ARMC2: variants seen among roughly 807,000 people sequenced by gnomAD.
ARMC2 encodes the protein armadillo repeat-containing protein 2.
Under a neutral mutation model 90.3 loss-of-function variants are expected in ARMC2, and 67 were observed. The observed-to-expected ratio is 0.74, with a 90% confidence interval of 0.61 to 0.91. The LOEUF (loss-of-function observed/expected upper bound fraction) is 0.91. Among genes scored for constraint, ARMC2 ranks in the 40% least tolerant of loss-of-function variants. ARMC2 has a pLI of 0.00. For synonymous variants in ARMC2, 393 were observed against 393.0 expected (o/e 1.00, Z 0.00); for missense variants, 920 against 1,030.9 (o/e 0.89, Z 1.47).
At chr6:108,871,127 C>T (rs184935298) in intron 4 of ARMC2, among the ~76,000 whole-genome samples, 9 of 152,232 alleles carry the variant, frequency 5.9e-5, no homozygotes, top group East Asian at 3.9e-4. Flanking sequence ...TGACCGGGCA[C>T]GAGAGCAAGT....
At chr6:108,998,448 A>C in the ARMC2 span, 1 of 1,583,078 alleles carries the variant, frequency 6.3e-7, no homozygotes, top group South Asian at 1.2e-5. Context: ...AGCCAACTGA[A>C]GAAATAATAT....
chr6:108,858,436 A>C (rs941291470), intron 3 of ARMC2, among the ~76,000 whole-genome samples, 165 bp downstream of exon 3: 2 of 152,140 alleles, frequency 1.3e-5, no homozygotes, highest in Non-Finnish European at 2.9e-5. Flanking sequence ...GTTCAAATGT[A>C]ATGGGTAATA....
At chr6:108,947,720 T>A (rs748537522) in intron 12 of ARMC2, among the ~76,000 whole-genome samples, 24 of 152,296 alleles carry the variant, frequency 1.6e-4, no homozygotes, top group South Asian at 4.1e-4. Flanking sequence ...CCTCTAAGTG[T>A]ATCTGTTTGT....
the ARMC2 span, among the ~76,000 whole-genome samples, chr6:109,042,704 G>T: frequency 6.6e-6 from 1 of 151,850 alleles, no homozygotes; most frequent in Non-Finnish European, 1.5e-5. Flanking sequence ...TAAGAAAATT[G>T]AATTTGTGAT....
chr6:109,002,255 A>G, the ARMC2 span: 6 of 1,604,020 alleles, frequency 3.7e-6, no homozygotes, highest in Non-Finnish European at 5.1e-6. Context: ...ACAGTTCACT[A>G]TGTACTTTCA....
the ARMC2 span, among the ~76,000 whole-genome samples, chr6:108,985,095 A>G: frequency 6.6e-6 from 1 of 152,172 alleles, no homozygotes; most frequent in South Asian, 2.1e-4. Context: ...TGCTAGTAAC[A>G]TTTCTGATTC....
chr6:108,900,853 A>T (rs1382708979), intron 7 of ARMC2, among the ~76,000 whole-genome samples: 1 of 152,034 alleles, frequency 6.6e-6, no homozygotes, highest in Admixed American at 6.6e-5. Flanking sequence ...CTGCAGCCCA[A>T]AGTCCTAAGG....
chr6:108,868,362 A>G (rs774325044), intron 3 of ARMC2, among the ~76,000 whole-genome samples: 1 of 152,148 alleles, frequency 6.6e-6, no homozygotes, highest in South Asian at 2.1e-4. Flanking sequence ...GACTACAAGC[A>G]TGCGCCACCA....
chr6:108,937,411 A>G (rs1400921074), intron 12 of ARMC2, among the ~76,000 whole-genome samples: 2 of 152,098 alleles, frequency 1.3e-5, no homozygotes, highest in Non-Finnish European at 2.9e-5. Flanking sequence ...CTACCTAGCC[A>G]TCTGCATTTT....
intron 5 of ARMC2, among the ~76,000 whole-genome samples, chr6:108,888,727 T>G (rs1055368839): frequency 1.3e-5 from 2 of 152,328 alleles, no homozygotes; most frequent in African/African-American, 2.4e-5. Flanking sequence ...TCCCCTGCTA[T>G]CCTATTCCTC....
chr6:109,048,380 G>A, the ARMC2 span, among the ~76,000 whole-genome samples: 14 of 152,160 alleles, frequency 9.2e-5, no homozygotes, highest in Non-Finnish European at 1.9e-4. Flanking sequence ...GTATTGCACC[G>A]TGGGTTTAGT....
At chr6:108,943,045 A>G (rs751324374) in intron 12 of ARMC2, among the ~76,000 whole-genome samples, 22 of 152,150 alleles carry the variant, frequency 1.4e-4, no homozygotes, top group Non-Finnish European at 2.9e-4. Context: ...AGAGGGGGAA[A>G]TCCTGTTTTG....
chr6:108,880,449 C>T lies in ARMC2; in HGVS notation c.671+4099C>T, dbSNP rs552457156. Among the ~76,000 whole-genome samples, 22 of 152,308 alleles carry T rather than the reference C, an allele frequency of 1.4e-4. 1 individual carries two copies. Among genetic ancestry groups the T allele is most frequent in the African/African-American group, 5.1e-4 (21 of 41,566 alleles). Reference sequence around the variant, plus strand: ...GCCTTTGGGGAAAGTGCTCTTTCTCCAGGTTCACAAACTATAAAGATGATG... The same window carrying T: ...GCCTTTGGGGAAAGTGCTCTTTCTCTAGGTTCACAAACTATAAAGATGATG... On this transcript the variant is annotated intron_variant, in intron 5 of 17. Coordinates refer to ENST00000392644, the MANE Select transcript of ARMC2 (RefSeq NM_032131.6).
intron 10 of ARMC2, among the ~76,000 whole-genome samples, chr6:108,925,252 A>G (rs1774998198): frequency 6.6e-6 from 1 of 152,204 alleles, no homozygotes; most frequent in African/African-American, 2.4e-5. Context: ...TTCAAAAAAA[A>G]TCTTAAAATC....
chr6:108,995,266 T>C, the ARMC2 span, among the ~76,000 whole-genome samples: 2 of 152,222 alleles, frequency 1.3e-5, no homozygotes, highest in Non-Finnish European at 2.9e-5. Flanking sequence ...AATCTTTAAA[T>C]AAATAAGATA....
At chr6:108,862,363 A>AC (rs1562325600) in intron 3 of ARMC2, among the ~76,000 whole-genome samples, 10 of 149,322 alleles carry the variant, frequency 6.7e-5, no homozygotes, top group African/African-American at 2.3e-4. Context: ...AAAAAACAAA[A>AC]AAAACAAACA....
At chr6:108,937,045 T>A in intron 12 of ARMC2, 46 bp downstream of exon 12, 1 of 1,421,472 alleles carries the variant, frequency 7.0e-7, no homozygotes, top group Non-Finnish European at 9.7e-7. Flanking sequence ...TTTACACTAA[T>A]GTGTTTGTGT....
At chr6:109,047,078 TG>T in the ARMC2 span, among the ~76,000 whole-genome samples, 1 of 4,062 alleles carries the variant, frequency 2.5e-4, no homozygotes, top group Non-Finnish European at 4.4e-4. Flanking sequence ...CCGCCCCATC[TG>T]GGAGGTGAGG....
chr6:108,905,386 A>G (rs1772575150), intron 8 of ARMC2, among the ~76,000 whole-genome samples: 1 of 152,178 alleles, frequency 6.6e-6, no homozygotes, highest in African/African-American at 2.4e-5. Flanking sequence ...AAATTGTGAT[A>G]TGTGGTCAAG....
Sources: gnomAD v4.1 joint callset for allele counts (sites outside exome capture counted in the v4.1 genomes callset) on GRCh38, gnomAD v4.1.1 for gene constraint, MANE v1.5 for transcripts, NCBI Gene and HGNC (gene_info 2026-07-23, HGNC 2026-07-21) for gene names.